Variants in RIMS2 observed in about 807,000 individuals in gnomAD.
The protein encoded by RIMS2 is regulating synaptic membrane exocytosis 2.
A neutral mutation model predicts 174.4 loss-of-function variants in RIMS2; 59 were observed. The ratio of observed to expected loss-of-function variants is 0.34; its 90% CI spans 0.27 to 0.42. The LOEUF (loss-of-function observed/expected upper bound fraction) is 0.42, where lower values mean the gene tolerates loss of function less well. Among genes scored for constraint, RIMS2 ranks in the 10% least tolerant of loss-of-function variants. The pLI is 1.00. For missense variants in RIMS2, 1,620 were observed against 1,666.3 expected (o/e 0.97, Z 0.48); for synonymous variants, 606 against 572.5 (o/e 1.06, Z -0.84).
chr8:103,618,071 G>C (rs1251922928), intron 1 of RIMS2, among the ~76,000 whole-genome samples: 1 of 152,098 alleles, frequency 6.6e-6, no homozygotes, highest in East Asian at 1.9e-4. Context: ...CAATGGCAAA[G>C]ACCATGGAAT....
chr8:103,994,227 C>G (rs145915431), intron 17 of RIMS2, among the ~76,000 whole-genome samples: 361 of 151,950 alleles, frequency 2.4e-3, no homozygotes, highest in African/African-American at 8.2e-3. Context: ...AGTGGAAGGA[C>G]AATTCATTAT....
At chr8:104,038,976 A>G (rs1013704524) in intron 19 of RIMS2, among the ~76,000 whole-genome samples, 3 of 151,916 alleles carry the variant, frequency 2.0e-5, no homozygotes, top group Middle Eastern at 3.4e-3. Context: ...TACTTTTAGT[A>G]GTGAAATCAT....
At chr8:104,212,360 GT>G (rs1211101284) in intron 19 of RIMS2, among the ~76,000 whole-genome samples, 3 of 152,102 alleles carry the variant, frequency 2.0e-5, no homozygotes, top group Non-Finnish European at 2.9e-5. Flanking sequence ...TCAGCCAAGG[GT>G]TTTTTTAAGA....
chr8:103,796,560 T>C (rs1187150405), intron 3 of RIMS2, among the ~76,000 whole-genome samples: 3 of 152,176 alleles, frequency 2.0e-5, no homozygotes, highest in Non-Finnish European at 2.9e-5. Flanking sequence ...CCCTATAATC[T>C]AGCCTCAGCA....
chr8:103,597,454 C>T (rs1253623193), intron 1 of RIMS2, among the ~76,000 whole-genome samples: 1 of 152,128 alleles, frequency 6.6e-6, no homozygotes, highest in East Asian at 1.9e-4. Context: ...GCTTCAGGTT[C>T]TACTTGTTTT....
intron 2 of RIMS2, among the ~76,000 whole-genome samples, chr8:103,764,379 A>C (rs1427547250): frequency 1.3e-5 from 2 of 152,220 alleles, no homozygotes; most frequent in African/African-American, 4.8e-5. Context: ...CAACTTGTTT[A>C]AAACAGAAAA....
intron 2 of RIMS2, among the ~76,000 whole-genome samples, chr8:103,734,335 T>A (rs7459857): frequency 0.12 from 17,954 of 148,806 alleles, 1,219 homozygotes; most frequent in Middle Eastern, 0.22. Context: ...TTTTTTTTTT[T>A]AACATTTCTT....
At chr8:103,728,221 A>G (rs900998347) in intron 2 of RIMS2, among the ~76,000 whole-genome samples, 3 of 151,698 alleles carry the variant, frequency 2.0e-5, no homozygotes, top group East Asian at 1.9e-4. Flanking sequence ...GACTTTCTTG[A>G]TTTCTTTTTC....
intron 15 of RIMS2, among the ~76,000 whole-genome samples, chr8:103,974,602 C>T (rs372544770): frequency 1.3e-5 from 2 of 152,172 alleles, no homozygotes; most frequent in South Asian, 2.1e-4. Flanking sequence ...TTGCTTTCTG[C>T]TACTCTTTTA....
intron 3 of RIMS2, among the ~76,000 whole-genome samples, chr8:103,845,961 G>T (rs909698088): frequency 6.6e-6 from 1 of 152,096 alleles, no homozygotes; most frequent in Non-Finnish European, 1.5e-5. Context: ...ATACTTACTG[G>T]TGACCTTAAC....
intron 3 of RIMS2, among the ~76,000 whole-genome samples, chr8:103,797,196 A>T (rs907948115): frequency 6.6e-6 from 1 of 152,064 alleles, no homozygotes; most frequent in East Asian, 1.9e-4. Context: ...TCAAAGCCTA[A>T]CTCAAGTATT....
chr8:103,759,107 C>T (rs1299135892), intron 2 of RIMS2, among the ~76,000 whole-genome samples: 1 of 152,132 alleles, frequency 6.6e-6, no homozygotes, highest in Non-Finnish European at 1.5e-5. Context: ...CTCTTCTTTC[C>T]AGGCTTTGAC....
intron 1 of RIMS2, among the ~76,000 whole-genome samples, chr8:103,676,622 T>G (rs2096817610): frequency 6.6e-6 from 1 of 151,924 alleles, no homozygotes; most frequent in African/African-American, 2.4e-5. Context: ...TACTGAAATA[T>G]TTTTAGAAGC....
chr8:103,559,978 C>T (rs1047728644), intron 1 of RIMS2, among the ~76,000 whole-genome samples: 8 of 152,182 alleles, frequency 5.3e-5, no homozygotes, highest in African/African-American at 1.4e-4. Flanking sequence ...GAGGCTAGGG[C>T]GTCAAATCTT....
chr8:103,782,433 C>CGTGT (rs71297237), intron 3 of RIMS2, among the ~76,000 whole-genome samples: 6,545 of 145,782 alleles, frequency 0.045, 394 homozygotes, highest in African/African-American at 0.14. Context: ...ACATAAATCC[C>CGTGT]GTGTGTGTGT....
rs114189098 is a variant in RIMS2 at position 104,251,385 on chromosome 8, T to C, written c.3832-217T>C. Reference sequence around the variant, plus strand: ...TCCCCACCACACGTAAATTCCAGTCTCTCTGGATTTCTTATGACCTTAATG... The same window carrying C: ...TCCCCACCACACGTAAATTCCAGTCCCTCTGGATTTCTTATGACCTTAATG... On this transcript the variant is annotated intron_variant, in intron 23 of 23. Transcript: ENST00000504942. Among the ~76,000 whole-genome samples the C allele has an allele frequency of 4.5e-3, 692 of 152,346 alleles. 9 individuals are homozygous for C. Among genetic ancestry groups the C allele is most frequent in the African/African-American group, 0.016 (650 of 41,582 alleles).
chr8:104,180,340 G>A (rs2098932722), intron 19 of RIMS2, among the ~76,000 whole-genome samples: 2 of 150,602 alleles, frequency 1.3e-5, no homozygotes, highest in Admixed American at 1.3e-4. Flanking sequence ...GGCCATGCTA[G>A]TGTAGTATTT....
chr8:104,113,694 T>C (rs916715751), intron 19 of RIMS2, among the ~76,000 whole-genome samples: 1 of 151,642 alleles, frequency 6.6e-6, no homozygotes, highest in East Asian at 1.9e-4. Context: ...ATATATCATA[T>C]ATATACATAT....
intron 19 of RIMS2, among the ~76,000 whole-genome samples, chr8:104,029,748 G>T (rs1198209250): frequency 1.3e-5 from 2 of 151,830 alleles, no homozygotes; most frequent in Non-Finnish European, 2.9e-5. Flanking sequence ...TCTATTTTTT[G>T]GAACATCACA....
Sources: gnomAD v4.1 joint callset for allele counts (sites outside exome capture counted in the v4.1 genomes callset) on GRCh38, gnomAD v4.1.1 for gene constraint, MANE v1.5 for transcripts, NCBI Gene and HGNC (gene_info 2026-07-23, HGNC 2026-07-21) for gene names.